THSD7B: variants seen among roughly 807,000 people sequenced by gnomAD.
The protein encoded by THSD7B is thrombospondin type 1 domain containing 7B.
Under a neutral mutation model 213.6 loss-of-function variants are expected in THSD7B, and 138 were observed. The observed-to-expected ratio is 0.65, with a 90% CI of 0.56 to 0.74. The LOEUF (loss-of-function observed/expected upper bound fraction) is 0.74. Ranked by LOEUF, THSD7B falls within the 30% of genes least tolerant of loss-of-function variation. The probability of loss-of-function intolerance (pLI) is 0.00; values close to 1 mark genes in which losing one functional copy is unlikely to be tolerated. For missense variants in THSD7B, 1,931 were observed against 1,991.5 expected (o/e 0.97, Z 0.58); for synonymous variants, 742 against 687.0 (o/e 1.08, Z -1.25).
chr2:136,783,054 C>T (rs923954035), intron 1 of THSD7B, among the ~76,000 whole-genome samples: 7 of 152,152 alleles, frequency 4.6e-5, no homozygotes, highest in Admixed American at 3.3e-4. Flanking sequence ...CGCTGAGTAG[C>T]GTGATTTTCC....
At chr2:137,412,179 T>C (rs1280493112) in intron 14 of THSD7B, among the ~76,000 whole-genome samples, 1 of 151,616 alleles carries the variant, frequency 6.6e-6, no homozygotes, top group African/African-American at 2.4e-5. Context: ...CAAAGCCAAA[T>C]ACAAACAAAT....
At chr2:137,426,763 C>A (rs111459706) in intron 14 of THSD7B, among the ~76,000 whole-genome samples, 1 of 152,030 alleles carries the variant, frequency 6.6e-6, no homozygotes, top group South Asian at 2.1e-4. Context: ...TTGGATATGA[C>A]GCCAAAAATA....
rs796312404 is a variant in THSD7B at position 137,517,331 on chromosome 2, G to C, written c.3139-45890G>C. 9.8e-5 allele frequency among the ~76,000 whole-genome samples: 15 copies of C among 152,346 alleles called. 1 individual carries two copies. The highest frequency in any genetic ancestry group is 3.6e-4 in the African/African-American group (15 of 41,580). ...TATGCTGATTGGATCCAGTGAGCAA[G>C]AAGTAACAAACACACTGGACTTACT... On this transcript the variant is annotated intron_variant, in intron 15 of 27. Transcript: ENST00000409968.
Position 137,451,023 on chromosome 2 carries a change from G to A in THSD7B, c.3138G>A (p.Gln1046=). 1 of 1,579,658 alleles carries A rather than the reference G, an allele frequency of 6.3e-7. No homozygotes were observed. Among genetic ancestry groups the A allele is most frequent in the Non-Finnish European group, 8.6e-7 (1 of 1,164,370 alleles). Residue 1046 remains glutamine (Q), a splice_region_variant and synonymous_variant, in exon 15 of 28, where the codon CAG becomes CAA. Coordinates refer to ENST00000409968, the MANE Select transcript of THSD7B (RefSeq NM_001316349.2). ...GTCCCAAACTGGATCTCAAGAATCAGGTAAAGTGCATGAAGCAACAAATAA... is the reference window on the plus strand; with the variant it reads ...GTCCCAAACTGGATCTCAAGAATCAAGTAAAGTGCATGAAGCAACAAATAA... ...RPCPKLDLKN[Q]VHEAVPCYSE... is the part of the protein sequence containing the mutation.
intron 2 of THSD7B, among the ~76,000 whole-genome samples, chr2:136,977,131 C>A (rs1205471289): frequency 2.6e-5 from 4 of 152,044 alleles, no homozygotes; most frequent in Non-Finnish European, 5.9e-5. Context: ...CTATTACTGC[C>A]TCAATTTCAG....
At chr2:137,493,420 C>T (rs1029800394) in intron 15 of THSD7B, among the ~76,000 whole-genome samples, 8 of 152,134 alleles carry the variant, frequency 5.3e-5, no homozygotes, top group Non-Finnish European at 7.4e-5. Flanking sequence ...CATTCTGAGG[C>T]TAATGACCTG....
At chr2:137,381,741 GT>G (rs1685780421) in intron 12 of THSD7B, among the ~76,000 whole-genome samples, 1 of 152,230 alleles carries the variant, frequency 6.6e-6, no homozygotes, top group South Asian at 2.1e-4. Context: ...TCTTAACTTT[GT>G]GGAGACAGTT....
Position 137,072,785 on chromosome 2 carries a change from C to T in THSD7B, c.950+15555C>T, listed in dbSNP as rs1344558601. 3.3e-5 allele frequency among the ~76,000 whole-genome samples: 5 copies of T among 152,114 alleles called. No individual in the cohort carries two copies. The East Asian group carries it at 7.7e-4, about 23-fold the overall frequency. On this transcript the variant is annotated intron_variant, in intron 3 of 27. Coordinates refer to ENST00000409968, the MANE Select transcript of THSD7B (RefSeq NM_001316349.2). ...TATTTTGAGATATGCCCCATCAATACCTAATTTATTGAGAGTTTTTAGCAT... is the reference window on the plus strand; with the variant it reads ...TATTTTGAGATATGCCCCATCAATATCTAATTTATTGAGAGTTTTTAGCAT...
intron 15 of THSD7B, among the ~76,000 whole-genome samples, chr2:137,455,345 G>C (rs531688010): frequency 3.2e-4 from 49 of 152,284 alleles, no homozygotes; most frequent in African/African-American, 1.1e-3. Context: ...AGAGGAAAGA[G>C]ATCAGAATCC....
intron 12 of THSD7B, among the ~76,000 whole-genome samples, chr2:137,341,974 T>C (rs1005766466): frequency 1.3e-5 from 2 of 151,560 alleles, no homozygotes; most frequent in Admixed American, 1.3e-4. Flanking sequence ...TCAAGACTTT[T>C]GTTGTTGTTG....
intron 1 of THSD7B, among the ~76,000 whole-genome samples, chr2:136,813,190 T>C (rs1381065563): frequency 6.6e-6 from 1 of 152,248 alleles, no homozygotes; most frequent in Non-Finnish European, 1.5e-5. Context: ...ATGCAATGAT[T>C]TTTTTCCCAG....
chr2:137,344,937 T>C (rs1184543160), intron 12 of THSD7B, among the ~76,000 whole-genome samples: 2 of 151,582 alleles, frequency 1.3e-5, no homozygotes, highest in Non-Finnish European at 3.0e-5. Flanking sequence ...ATAAGACAAG[T>C]TGGTGATACC....
intron 14 of THSD7B, among the ~76,000 whole-genome samples, chr2:137,414,611 G>A (rs1374444995): frequency 6.6e-6 from 1 of 152,064 alleles, no homozygotes; most frequent in Non-Finnish European, 1.5e-5. Context: ...CCAACTATTT[G>A]GGAGACTGAG....
chr2:137,331,644 G>A (rs112628269), intron 12 of THSD7B, among the ~76,000 whole-genome samples: 6,769 of 152,260 alleles, frequency 0.044, 453 homozygotes, highest in African/African-American at 0.15. Flanking sequence ...GGGACTGGGC[G>A]CTGTGGAGCA....
At chr2:136,767,320 G>A (rs1573629116) in intron 1 of THSD7B, among the ~76,000 whole-genome samples, 1 of 152,128 alleles carries the variant, frequency 6.6e-6, no homozygotes, top group Non-Finnish European at 1.5e-5. Flanking sequence ...TTGACAGACT[G>A]CTGTTTTTAA....
intron 2 of THSD7B, among the ~76,000 whole-genome samples, chr2:136,927,546 G>C (rs996398549): frequency 1.3e-5 from 2 of 152,204 alleles, no homozygotes; most frequent in Non-Finnish European, 2.9e-5. Context: ...ATGTTGAACA[G>C]ATAAGGTCAC....
At chr2:137,553,641 G>A (rs1680893928) in intron 15 of THSD7B, among the ~76,000 whole-genome samples, 2 of 152,088 alleles carry the variant, frequency 1.3e-5, no homozygotes, top group Non-Finnish European at 2.9e-5. Context: ...CTTTTCAGTG[G>A]CATTTTTTTA....
chr2:136,789,752 A>G (rs1455307939), intron 1 of THSD7B, among the ~76,000 whole-genome samples: 3 of 152,170 alleles, frequency 2.0e-5, no homozygotes, highest in Admixed American at 2.0e-4. Flanking sequence ...AATTAGGGAC[A>G]GATGAATAAA....
intron 25 of THSD7B, among the ~76,000 whole-genome samples, chr2:137,662,826 G>A (rs1022915142): frequency 6.6e-6 from 1 of 152,078 alleles, no homozygotes; most frequent in African/African-American, 2.4e-5. Flanking sequence ...AAGCCGAGGT[G>A]GGAAGATTAC....
Sources: gnomAD v4.1 joint callset for allele counts (sites outside exome capture counted in the v4.1 genomes callset) on GRCh38, gnomAD v4.1.1 for gene constraint, MANE v1.5 for transcripts, NCBI Gene and HGNC (gene_info 2026-07-23, HGNC 2026-07-21) for gene names.